The following TMTC2 variants were observed in gnomAD, a reference collection of about 807,000 sequenced individuals.
TMTC2 encodes transmembrane O-mannosyltransferase targeting cadherins 2, also known as protein O-mannosyl-transferase TMTC2.
In TMTC2, 43 loss-of-function variants were observed where a neutral mutation model predicts 82.4. The observed-to-expected ratio is 0.52, with a 90% CI of 0.41 to 0.67. TMTC2 has a LOEUF of 0.67. TMTC2 is among the 30% of genes least tolerant of loss of function. The pLI, the probability that TMTC2 is intolerant of heterozygous loss-of-function variation, is 0.00. For synonymous variants in TMTC2, 408 were observed against 381.9 expected, an observed-to-expected ratio of 1.07 and a Z score of -0.80; for missense variants, 919 against 1,012.4, an observed-to-expected ratio of 0.91 and a Z score of 1.25.
chr12:82,890,289 A>G (rs1873330436), intron 2 of TMTC2, among the ~76,000 whole-genome samples: 1 of 151,236 alleles, frequency 6.6e-6, no homozygotes, highest in Non-Finnish European at 1.5e-5. Context: ...GGTGGCTCAT[A>G]TTTAAGACAT....
At chr12:83,098,632 G>C (rs913946704) in intron 11 of TMTC2, among the ~76,000 whole-genome samples, 2 of 152,146 alleles carry the variant, frequency 1.3e-5, no homozygotes, top group African/African-American at 4.8e-5. Flanking sequence ...CAGAAACAAA[G>C]TCATGTTTCT....
chr12:82,869,564 G>A (rs1429869860), intron 2 of TMTC2, among the ~76,000 whole-genome samples: 1 of 152,092 alleles, frequency 6.6e-6, no homozygotes, highest in East Asian at 1.9e-4. Context: ...TTGAGGCCGG[G>A]CATGGTGACT....
chr12:82,991,665 A>G (rs992108538), intron 8 of TMTC2, among the ~76,000 whole-genome samples: 17 of 152,210 alleles, frequency 1.1e-4, no homozygotes, highest in African/African-American at 3.9e-4. Context: ...TAAACACAAG[A>G]TGAGTTTGAA....
At chr12:83,113,968 G>T (rs994126609) in intron 11 of TMTC2, among the ~76,000 whole-genome samples, 3 of 152,104 alleles carry the variant, frequency 2.0e-5, no homozygotes, top group Admixed American at 6.5e-5. Context: ...TTCATTCTGC[G>T]AGTGGACAGT....
At chr12:82,691,284 A>G (rs1872565212) in intron 1 of TMTC2, among the ~76,000 whole-genome samples, 1 of 152,200 alleles carries the variant, frequency 6.6e-6, no homozygotes, top group South Asian at 2.1e-4. Context: ...AACCAGAATC[A>G]TTAATGTTAC....
At chr12:82,999,743 G>C (rs1033667073) in intron 8 of TMTC2, among the ~76,000 whole-genome samples, 14 of 152,198 alleles carry the variant, frequency 9.2e-5, no homozygotes, top group African/African-American at 1.2e-4. Flanking sequence ...GCATGATTCA[G>C]TTATCTCTCA....
At chr12:83,041,619 A>G (rs913341256) in intron 9 of TMTC2, among the ~76,000 whole-genome samples, 1 of 152,238 alleles carries the variant, frequency 6.6e-6, no homozygotes, top group Non-Finnish European at 1.5e-5. Flanking sequence ...AGGATTAAGA[A>G]AAAGAGGACT....
At chr12:83,122,621 C>T (rs978822724) in intron 11 of TMTC2, among the ~76,000 whole-genome samples, 16 of 152,140 alleles carry the variant, frequency 1.1e-4, no homozygotes, top group African/African-American at 3.6e-4. Context: ...TGTTCGGGGG[C>T]GGATGACCTC....
At position 82,767,294 on chromosome 12, in the gene TMTC2, C is replaced by T. The variant is rs183935225; in HGVS notation, c.83+79625C>T. 2.5e-3 allele frequency among the ~76,000 whole-genome samples: 376 copies of T among 152,300 alleles called. 2 individuals carry two copies. Among genetic ancestry groups the T allele is most frequent in the Non-Finnish European group, 4.1e-3 (277 of 68,026 alleles). Reference sequence around the variant, plus strand: ...TAAGTTCTTACACTTTAAAGTTGAACTAGGGTATGAATGGGCACTGTGGCT... The same window carrying T: ...TAAGTTCTTACACTTTAAAGTTGAATTAGGGTATGAATGGGCACTGTGGCT... On this transcript the variant is annotated intron_variant, in intron 1 of 11. Coordinates refer to ENST00000321196, the MANE Select transcript of TMTC2 (RefSeq NM_152588.3).
intron 1 of TMTC2, among the ~76,000 whole-genome samples, chr12:82,768,240 C>T (rs1164764664): frequency 6.6e-6 from 1 of 152,228 alleles, no homozygotes; most frequent in East Asian, 1.9e-4. Flanking sequence ...TGCCGTCACT[C>T]CCTCTGCAGT....
At chr12:83,099,800 C>G (rs1884153567) in intron 11 of TMTC2, among the ~76,000 whole-genome samples, 1 of 151,790 alleles carries the variant, frequency 6.6e-6, no homozygotes, top group Admixed American at 6.6e-5. Context: ...CACTCTTGAT[C>G]TAGTTTTATT....
intron 9 of TMTC2, among the ~76,000 whole-genome samples, chr12:83,041,317 T>C (rs1236365292): frequency 2.0e-5 from 3 of 152,178 alleles, no homozygotes; most frequent in Non-Finnish European, 4.4e-5. Context: ...CACCCAGCCC[T>C]ACTGCAGATT....
At chr12:83,087,456 T>C (rs1221998907) in intron 11 of TMTC2, among the ~76,000 whole-genome samples, 1 of 152,198 alleles carries the variant, frequency 6.6e-6, no homozygotes, top group African/African-American at 2.4e-5. Context: ...GTGAATCCTT[T>C]CCAGAAGGTT....
chr12:82,884,673 G>C (rs899113284), intron 2 of TMTC2, among the ~76,000 whole-genome samples: 1 of 152,120 alleles, frequency 6.6e-6, no homozygotes, highest in Non-Finnish European at 1.5e-5. Context: ...ATAAGGCAAA[G>C]TTCCCATACA....
chr12:82,753,806 T>A (rs1335480083), intron 1 of TMTC2, among the ~76,000 whole-genome samples: 1 of 152,228 alleles, frequency 6.6e-6, no homozygotes, highest in Non-Finnish European at 1.5e-5. Context: ...CAAAAGTTAA[T>A]TGATTTCAGA....
chr12:83,043,919 G>T (rs1000564828), intron 9 of TMTC2, among the ~76,000 whole-genome samples: 2 of 152,152 alleles, frequency 1.3e-5, no homozygotes, highest in Admixed American at 1.3e-4. Context: ...TGCATAGTTT[G>T]AATTGTTCCG....
At chr12:82,770,613 T>C (rs1486840853) in intron 1 of TMTC2, among the ~76,000 whole-genome samples, 1 of 152,128 alleles carries the variant, frequency 6.6e-6, no homozygotes, top group Non-Finnish European at 1.5e-5. Context: ...CCCGAGCACT[T>C]AATCTAAATG....
chr12:83,064,185 G>A (rs1882841467), intron 11 of TMTC2, among the ~76,000 whole-genome samples: 2 of 151,766 alleles, frequency 1.3e-5, no homozygotes, highest in African/African-American at 4.8e-5. Context: ...TATTACAATG[G>A]ATTCTTGAGA....
intron 11 of TMTC2, among the ~76,000 whole-genome samples, chr12:83,106,013 T>C (rs1884380563): frequency 6.6e-6 from 1 of 152,130 alleles, no homozygotes; most frequent in Non-Finnish European, 1.5e-5. Context: ...AATAGAATTA[T>C]CTTGAAAGGA....
Sources: gnomAD v4.1 joint callset for allele counts (sites outside exome capture counted in the v4.1 genomes callset) on GRCh38, gnomAD v4.1.1 for gene constraint, MANE v1.5 for transcripts, NCBI Gene and HGNC (gene_info 2026-07-23, HGNC 2026-07-21) for gene names.